STMN4: variants seen among roughly 807,000 people sequenced by gnomAD.
STMN4 encodes stathmin-4.
A neutral mutation model predicts 29.1 loss-of-function variants in STMN4; 12 were observed. The observed-to-expected ratio is 0.41, with a 90% CI of 0.26 to 0.67. The LOEUF (loss-of-function observed/expected upper bound fraction) is 0.67, where lower values mean the gene tolerates loss of function less well. Ranked by LOEUF, STMN4 falls within the 30% of genes least tolerant of loss-of-function variation. STMN4 has a pLI of 0.30. For missense variants in STMN4, 181 were observed against 262.8 expected, an observed-to-expected ratio of 0.69 and a Z score of 2.15; for synonymous variants, 114 against 105.3, an observed-to-expected ratio of 1.08 and a Z score of -0.51.
chr8:27,241,864 GT>G (rs916328876), intron 3 of STMN4, 107 bp from the exon 4 acceptor site: 72 of 1,351,058 alleles, frequency 5.3e-5, no homozygotes, highest in Non-Finnish European at 6.9e-5. Flanking sequence ...AGGTGACCTG[GT>G]CCCCGAGCAC....
Position 27,241,596 on chromosome 8 carries a change from T to C in STMN4, c.190+81A>G, listed in dbSNP as rs1586006625. ...TGTCGTCCGTGGTGACAGGCAGGGG[T>C]GCGTTTCAGCCCCCGCCCACCCCCG... On this transcript the variant is annotated intron_variant, in intron 4 of 6. Transcript: ENST00000350889. The C allele has an allele frequency of 5.3e-6, 8 of 1,502,746 alleles. No homozygotes were observed. The South Asian group carries it at 6.9e-5, about 13-fold the overall frequency. The allele number at this position is 1,502,746 out of a possible 1,614,324, so 93.1% of individuals were successfully genotyped here.
chr8:27,236,608 T>G lies in STMN4; in HGVS notation c.*238A>C, dbSNP rs1801315650. On this transcript the variant is annotated 3_prime_UTR_variant, in exon 7 of 7. Transcript: ENST00000350889. The stretch of plus-strand genomic sequence containing the variant: ...CCTTGAGTTCTTCTCCATCTCCCTT[T>G]CCCAAACTCTCTCCTCTCCCCTCTC... 7.6e-6 allele frequency: 3 copies of G among 393,644 alleles called. No homozygotes were observed. Among genetic ancestry groups the G allele is most frequent in the Non-Finnish European group, 1.4e-5 (3 of 221,692 alleles). The allele number at this position is 393,644 out of a possible 1,614,324, so 24.4% of individuals were successfully genotyped here.
chr8:27,254,398 C>T (rs1259814533), intron 1 of STMN4, among the ~76,000 whole-genome samples: 2 of 152,172 alleles, frequency 1.3e-5, no homozygotes, highest in Admixed American at 6.5e-5. Flanking sequence ...TCCAAACTCT[C>T]GAGTTGCCTA....
At chr8:27,253,103 T>G (rs1363054964) in intron 1 of STMN4, among the ~76,000 whole-genome samples, 1 of 152,230 alleles carries the variant, frequency 6.6e-6, no homozygotes, top group Non-Finnish European at 1.5e-5. Context: ...TGGAGCTCTC[T>G]AGAGTTTCCA....
At position 27,251,328 on chromosome 8, in the gene STMN4, G is replaced by A. The variant is rs75547330; in HGVS notation, c.-79+7023C>T. Among the ~76,000 whole-genome samples the A allele has an allele frequency of 0.025, 2,697 of 107,324 alleles. 181 individuals carry two copies. The East Asian group carries it at 0.25, about 10-fold the overall frequency. 70.4% of individuals were successfully genotyped at this position (107,324 alleles called of 152,430 possible). A position where few individuals can be genotyped will look rare whatever the true frequency, so the allele number is the denominator to read the frequency against. On this transcript the variant is annotated intron_variant, in intron 1 of 6. Coordinates refer to ENST00000350889, the MANE Select transcript of STMN4 (RefSeq NM_030795.4). ...TAATATTATATATATACGTATATAC[G>A]TGTATATATATTATATATATACATA...
chr8:27,245,453 T>C (rs2130100281), intron 1 of STMN4, among the ~76,000 whole-genome samples: 1 of 152,378 alleles, frequency 6.6e-6, no homozygotes, highest in East Asian at 1.9e-4. Flanking sequence ...TGCTTTGTTC[T>C]CCTTGTTCTT....
chr8:27,243,969 T>A (rs1586010165), intron 1 of STMN4, among the ~76,000 whole-genome samples, 168 bp from the exon 2 acceptor site: 1 of 152,244 alleles, frequency 6.6e-6, no homozygotes, highest in Admixed American at 6.5e-5. Flanking sequence ...CCGACCTCCC[T>A]CCCACAATGA....
intron 1 of STMN4, among the ~76,000 whole-genome samples, chr8:27,251,655 T>A (rs1801789302): frequency 1.3e-5 from 2 of 152,118 alleles, no homozygotes; most frequent in Admixed American, 6.6e-5. Context: ...AGAAAATAAA[T>A]CCTTGTAGTC....
chr8:27,251,023 C>A (rs1007162199), intron 1 of STMN4, among the ~76,000 whole-genome samples: 1 of 152,008 alleles, frequency 6.6e-6, no homozygotes, highest in South Asian at 2.1e-4. Flanking sequence ...CTGAGGCAGG[C>A]AAATCATGAG....
chr8:27,252,738 T>G (rs948149878), intron 1 of STMN4, among the ~76,000 whole-genome samples: 1 of 152,198 alleles, frequency 6.6e-6, no homozygotes, highest in African/African-American at 2.4e-5. Context: ...TCTTCTTATA[T>G]CAAAGCCCAT....
intron 1 of STMN4, among the ~76,000 whole-genome samples, chr8:27,247,071 A>G (rs946153269): frequency 3.3e-5 from 5 of 152,094 alleles, no homozygotes; most frequent in Non-Finnish European, 5.9e-5. Context: ...CCTGGCCAAC[A>G]TGGTGAAACC....
chr8:27,255,632 A>G (rs927361811), intron 1 of STMN4, among the ~76,000 whole-genome samples: 3 of 152,018 alleles, frequency 2.0e-5, no homozygotes, highest in Non-Finnish European at 4.4e-5. Flanking sequence ...TATTTGCCCC[A>G]TGTTCCTTTT....
At chr8:27,239,769 A>G in intron 6 of STMN4, 17 of 1,514,616 alleles carry the variant, frequency 1.1e-5, no homozygotes, top group Non-Finnish European at 1.4e-5. Flanking sequence ...CCCCAAGGAA[A>G]CCCTGAGTCT....
intron 1 of STMN4, among the ~76,000 whole-genome samples, chr8:27,251,686 C>A (rs551207669): frequency 6.6e-6 from 1 of 152,088 alleles, no homozygotes; most frequent in Non-Finnish European, 1.5e-5. Context: ...ATGCTATTGG[C>A]ATTTTCTTCT....
intron 1 of STMN4, among the ~76,000 whole-genome samples, chr8:27,255,924 C>T (rs1480994341): frequency 6.6e-6 from 1 of 152,158 alleles, no homozygotes; most frequent in Non-Finnish European, 1.5e-5. Context: ...GACCAAACTT[C>T]TCCGTCTTTG....
intron 6 of STMN4, among the ~76,000 whole-genome samples, chr8:27,238,330 CAT>C (rs1801368303): frequency 6.6e-6 from 1 of 152,198 alleles, no homozygotes. Context: ...GGGCAGAAAA[CAT>C]ACACCCAACT....
At chr8:27,243,675 A>T (rs1462583645) in intron 2 of STMN4, 36 bp downstream of exon 2, 1 of 1,602,688 alleles carries the variant, frequency 6.2e-7, no homozygotes, top group Admixed American at 1.7e-5. Flanking sequence ...CAGGGGGAAT[A>T]GCCTACGCCC....
chr8:27,239,264 G>T, intron 6 of STMN4: 1 of 1,535,648 alleles, frequency 6.5e-7, no homozygotes, highest in Non-Finnish European at 8.7e-7. Flanking sequence ...GGGAGTCACC[G>T]CGCAGCAGGC....
intron 6 of STMN4, among the ~76,000 whole-genome samples, chr8:27,237,371 T>C (rs1035094784): frequency 1.3e-4 from 20 of 152,236 alleles, no homozygotes; most frequent in African/African-American, 4.6e-4. Flanking sequence ...TTGTGAGAAT[T>C]GCCTTAACCC....
Sources: gnomAD v4.1 joint callset for allele counts (sites outside exome capture counted in the v4.1 genomes callset) on GRCh38, gnomAD v4.1.1 for gene constraint, MANE v1.5 for transcripts, NCBI Gene and HGNC (gene_info 2026-07-23, HGNC 2026-07-21) for gene names.